HEG1: variants seen among roughly 807,000 people sequenced by gnomAD.
HEG1 encodes the protein protein HEG homolog 1.
A neutral mutation model predicts 125.6 loss-of-function variants in HEG1; 56 were observed. The ratio of observed to expected loss-of-function variants is 0.45; its 90% CI spans 0.36 to 0.56. The LOEUF is 0.56. Ranked by LOEUF, HEG1 falls within the 20% of genes least tolerant of loss-of-function variation. The pLI is 0.00. For missense variants in HEG1, 1,523 were observed against 1,670.0 expected (o/e 0.91, Z 1.53); for synonymous variants, 644 against 668.5 (o/e 0.96, Z 0.57).
rs183724286 is a variant in HEG1, at chr3:124,986,090, T to C, written c.3733+4697A>G. ...ACTGTGCCTTGCCCTTTCCAGTTTC[T>C]CTGTAAGGAGCAAGGACTGAAATCT... On this transcript the variant is annotated intron_variant, in intron 14 of 16. Coordinates refer to ENST00000311127, the MANE Select transcript of HEG1 (RefSeq NM_020733.2). Among the ~76,000 whole-genome samples the C allele has an allele frequency of 2.1e-4, 32 of 152,282 alleles. 1 individual carries two copies. In the East Asian group the frequency reaches 5.6e-3, roughly 27 times the overall value.
At chr3:125,006,417 C>A (rs1410547343) in intron 8 of HEG1, among the ~76,000 whole-genome samples, 2 of 152,172 alleles carry the variant, frequency 1.3e-5, no homozygotes, top group Non-Finnish European at 2.9e-5. Flanking sequence ...ATATTAAATG[C>A]TTATCTTTCC....
At chr3:125,054,151 G>C (rs557837765) in intron 1 of HEG1, among the ~76,000 whole-genome samples, 1 of 152,360 alleles carries the variant, frequency 6.6e-6, no homozygotes, top group African/African-American at 2.4e-5. Flanking sequence ...GTTGGAGAAA[G>C]TCGGGAAATA....
Position 125,055,894 on chromosome 3 carries a change from G to C in HEG1, c.-4C>G. 1 of 980,590 alleles carries C rather than the reference G, an allele frequency of 1.0e-6. No individual in the cohort carries two copies. Among genetic ancestry groups the C allele is most frequent in the Non-Finnish European group, 1.2e-6 (1 of 827,722 alleles). The allele number at this position is 980,590 out of a possible 1,614,324, so 60.7% of individuals were successfully genotyped here. On this transcript the variant is annotated 5_prime_UTR_variant, in exon 1 of 17. Transcript: ENST00000311127. ...GCGAGGCGCGCGGCGAGGCCATGGTGACGGCGCCCGCCCGCGCTCACATGC... is the reference window on the plus strand; with the variant it reads ...GCGAGGCGCGCGGCGAGGCCATGGTCACGGCGCCCGCCCGCGCTCACATGC...
chr3:125,042,711 G>A (rs920120203), intron 1 of HEG1, among the ~76,000 whole-genome samples: 5 of 152,170 alleles, frequency 3.3e-5, no homozygotes, highest in African/African-American at 7.2e-5. Flanking sequence ...CAGACAGCAG[G>A]GGCCCTTCCC....
At chr3:125,016,558 C>T (rs1427801373) in intron 5 of HEG1, among the ~76,000 whole-genome samples, 2 of 152,182 alleles carry the variant, frequency 1.3e-5, no homozygotes, top group East Asian at 1.9e-4. Flanking sequence ...AAAAATGATT[C>T]CTTTTGCTTA....
Position 125,055,557 on chromosome 3 carries a change from T to C in HEG1, c.316+18A>G, listed in dbSNP as rs2107717170. On this transcript the variant is annotated intron_variant, in intron 1 of 16. Transcript: ENST00000311127. Reference sequence around the variant, plus strand: ...CAGCACAGACTGGCCAGGCGCCAGGTTCCCGGCTCTCACTCACCCGCGCTC... The same window carrying C: ...CAGCACAGACTGGCCAGGCGCCAGGCTCCCGGCTCTCACTCACCCGCGCTC... The C allele has an allele frequency of 8.4e-7, 1 of 1,188,624 alleles. No homozygotes were observed. Among genetic ancestry groups the C allele is most frequent in the East Asian group, 3.5e-5 (1 of 28,638 alleles). 73.6% of individuals were successfully genotyped at this position (1,188,624 alleles called of 1,614,324 possible).
Position 124,990,185 on chromosome 3 carries a change from C to T in HEG1, c.3733+602G>A, listed in dbSNP as rs573207226. Among the ~76,000 whole-genome samples, 16 of 152,210 alleles carry T rather than the reference C, an allele frequency of 1.1e-4. No homozygotes were observed. In the South Asian group the frequency reaches 1.7e-3, roughly 16 times the overall value. On this transcript the variant is annotated intron_variant, in intron 14 of 16. Coordinates refer to ENST00000311127, the MANE Select transcript of HEG1 (RefSeq NM_020733.2). ...TCTGTGGGCACAGTCCCTGCCTCCC[C>T]GTCCCACACCCCATGTCTGGTTATC...
chr3:125,008,092 T>C (rs1560023427), intron 8 of HEG1, among the ~76,000 whole-genome samples: 1 of 152,080 alleles, frequency 6.6e-6, no homozygotes, highest in African/African-American at 2.4e-5. Flanking sequence ...GTAATTTTAG[T>C]AGAGTCAGGG....
At position 124,990,959 on chromosome 3, in the gene HEG1, T is replaced by C; in HGVS notation, c.3680A>G (p.Asn1227Ser). Residue 1227 changes from asparagine to serine, a missense_variant, in exon 13 of 17, where the codon AAT (asparagine) becomes AGT (serine). Physicochemically the swap from Asn to Ser is conservative, Grantham distance 46 (BLOSUM62 1). Coordinates refer to ENST00000311127, the MANE Select transcript of HEG1 (RefSeq NM_020733.2). The part of the protein sequence containing the change: ...RACEDGYRLE[N>S]ETCMSCPFGL... ...TGGAGCCTACCTCATGCAGGTTTCA[T>C]TTTCAAGCCTATATCCATCTTCACA... 1 of 1,559,046 alleles carries C rather than the reference T, an allele frequency of 6.4e-7. No homozygotes were observed. Among genetic ancestry groups the C allele is most frequent in the Non-Finnish European group, 8.7e-7 (1 of 1,150,116 alleles).
chr3:125,027,087 G>T, intron 3 of HEG1, 118 bp downstream of exon 3: 2 of 911,914 alleles, frequency 2.2e-6, no homozygotes, highest in African/African-American at 1.7e-5. Context: ...ATGGCATTTT[G>T]GCTTGATGTC....
chr3:125,027,539 C>G, intron 2 of HEG1, 32 bp from the exon 3 acceptor site: 2 of 1,543,758 alleles, frequency 1.3e-6, no homozygotes, highest in Non-Finnish European at 1.7e-6. Context: ...TAGAATTCCA[C>G]CAGCAGACTT....
intron 8 of HEG1, among the ~76,000 whole-genome samples, chr3:125,008,002 C>A (rs761348183): frequency 6.6e-6 from 1 of 152,156 alleles, no homozygotes; most frequent in Admixed American, 6.5e-5. Flanking sequence ...CTCCAGCTGC[C>A]GGGTTCAAGC....
rs76591438 is a variant in HEG1, at chr3:125,031,531, C to A, written c.317-2043G>T. Among the ~76,000 whole-genome samples the A allele has an allele frequency of 2.9e-3, 441 of 152,198 alleles. 18 individuals are homozygous for A. The East Asian group carries it at 0.076, about 26-fold the overall frequency. On this transcript the variant is annotated intron_variant, in intron 1 of 16. Transcript: ENST00000311127. ...TCTGTTTGGGAATGGGGACTGTGGG[C>A]ATTGGTGAGAAACCTCTGTGGGGAT...
At chr3:124,976,266 C>A (rs1221510154) in intron 15 of HEG1, among the ~76,000 whole-genome samples, 1 of 152,106 alleles carries the variant, frequency 6.6e-6, no homozygotes, top group African/African-American at 2.4e-5. Context: ...CAGGTCACTG[C>A]ACCTCTGCCT....
intron 1 of HEG1, among the ~76,000 whole-genome samples, chr3:125,038,933 T>C (rs7626291): frequency 0.13 from 19,956 of 152,112 alleles, 3,193 homozygotes; most frequent in African/African-American, 0.39. Context: ...CCTGGAGGCT[T>C]AGTAGGCTGG....
intron 15 of HEG1, among the ~76,000 whole-genome samples, chr3:124,976,395 C>G (rs1936537544): frequency 6.6e-6 from 1 of 152,058 alleles, no homozygotes. Flanking sequence ...ACCATGTTGG[C>G]CAGGCTGGTC....
At chr3:125,055,300 T>C (rs1000120483) in intron 1 of HEG1, among the ~76,000 whole-genome samples, 1 of 152,092 alleles carries the variant, frequency 6.6e-6, no homozygotes, top group Non-Finnish European at 1.5e-5. Context: ...CCATTTTTTT[T>C]AAAGTGGGGT....
intron 16 of HEG1, among the ~76,000 whole-genome samples, chr3:124,972,991 T>C (rs1224891544): frequency 2.0e-5 from 3 of 150,404 alleles, no homozygotes; most frequent in Admixed American, 1.3e-4. Flanking sequence ...TAGTTGGTTT[T>C]TTTGTTGTTG....
rs762089513 is a variant in HEG1 at position 124,997,668 on chromosome 3, C to T, written c.3652+21G>A. Reference sequence around the variant, plus strand: ...AGAGTCCCAGGACTGGGCACAGAACCCCAGGCGAAGCTGTGGCTACCTCGG... The same window carrying T: ...AGAGTCCCAGGACTGGGCACAGAACTCCAGGCGAAGCTGTGGCTACCTCGG... On this transcript the variant is annotated intron_variant, in intron 12 of 16. Transcript: ENST00000311127. 1.9e-6 allele frequency: 3 copies of T among 1,554,438 alleles called. No homozygotes were observed. In the South Asian group the frequency reaches 3.7e-5, roughly 19 times the overall value.
Sources: allele counts gnomAD v4.1 joint callset (sites outside exome capture counted in the v4.1 genomes callset), GRCh38; gene constraint gnomAD v4.1.1; transcripts MANE v1.5; gene names NCBI Gene and HGNC (gene_info 2026-07-23, HGNC 2026-07-21).